The following CDH13 variants were observed in gnomAD, a reference collection of about 807,000 sequenced individuals.
CDH13 encodes cadherin-13.
Under a neutral mutation model 63.8 loss-of-function variants are expected in CDH13, and 24 were observed. That is an observed-to-expected ratio of 0.38 (90% CI 0.27 to 0.53). The LOEUF (loss-of-function observed/expected upper bound fraction) is 0.53. Among genes scored for constraint, CDH13 ranks in the 20% least tolerant of loss-of-function variants. The pLI is 0.85. For missense variants in CDH13, 1,049 were observed against 903.1 expected (o/e 1.16, Z -2.07); for synonymous variants, 503 against 355.3 (o/e 1.42, Z -4.67).
At chr16:83,210,199 G>A (rs1012030625) in intron 4 of CDH13, among the ~76,000 whole-genome samples, 5 of 151,958 alleles carry the variant, frequency 3.3e-5, no homozygotes, top group African/African-American at 9.7e-5. Flanking sequence ...CGAGTAACTG[G>A]GACTATAGGC....
At chr16:82,784,883 C>G (rs1469127712) in intron 1 of CDH13, among the ~76,000 whole-genome samples, 1 of 152,180 alleles carries the variant, frequency 6.6e-6, no homozygotes, top group Non-Finnish European at 1.5e-5. Context: ...GACCCTTCCT[C>G]CAAAGGGCAG....
At chr16:83,105,854 G>A (rs951389100) in intron 3 of CDH13, among the ~76,000 whole-genome samples, 1 of 152,190 alleles carries the variant, frequency 6.6e-6, no homozygotes, top group African/African-American at 2.4e-5. Flanking sequence ...TGAAGACCAG[G>A]AGGGAGAAAG....
intron 5 of CDH13, among the ~76,000 whole-genome samples, chr16:83,313,008 C>T (rs1232422172): frequency 6.6e-6 from 1 of 152,194 alleles, no homozygotes; most frequent in Non-Finnish European, 1.5e-5. Context: ...ACATGAGATG[C>T]AGCTTCTACA....
intron 6 of CDH13, among the ~76,000 whole-genome samples, chr16:83,376,402 C>A (rs1350455049): frequency 6.6e-6 from 1 of 152,012 alleles, no homozygotes; most frequent in Non-Finnish European, 1.5e-5. Flanking sequence ...ATGGTGGTCG[C>A]TTAAGGGAAA....
intron 5 of CDH13, among the ~76,000 whole-genome samples, chr16:83,303,183 AG>A (rs1258120028): frequency 6.6e-6 from 1 of 152,232 alleles, no homozygotes; most frequent in Non-Finnish European, 1.5e-5. Flanking sequence ...GCCAAGGGAA[AG>A]CTTCCCCTTC....
intron 2 of CDH13, among the ~76,000 whole-genome samples, chr16:82,941,989 G>C (rs1332503623): frequency 1.3e-5 from 2 of 152,130 alleles, no homozygotes; most frequent in Non-Finnish European, 2.9e-5. Flanking sequence ...TTCCCTTTGT[G>C]TCTTGTCTTT....
intron 3 of CDH13, among the ~76,000 whole-genome samples, chr16:83,086,371 A>G (rs1597306808): frequency 6.6e-6 from 1 of 152,194 alleles, no homozygotes; most frequent in African/African-American, 2.4e-5. Flanking sequence ...GTACTCTGAG[A>G]CTTAGTGTTC....
chr16:83,071,675 C>G (rs373506393), intron 3 of CDH13, among the ~76,000 whole-genome samples: 13 of 152,256 alleles, frequency 8.5e-5, no homozygotes, highest in African/African-American at 2.4e-4. Flanking sequence ...TGTTTCAAGT[C>G]ATAAACATAG....
chr16:83,339,355 G>A (rs1365136499), intron 5 of CDH13, among the ~76,000 whole-genome samples: 1 of 152,058 alleles, frequency 6.6e-6, no homozygotes, highest in Non-Finnish European at 1.5e-5. Flanking sequence ...CTCCAATGAT[G>A]TCAATAATAT....
intron 3 of CDH13, among the ~76,000 whole-genome samples, chr16:83,113,341 G>C (rs1487071580): frequency 6.6e-6 from 1 of 152,226 alleles, no homozygotes; most frequent in East Asian, 1.9e-4. Flanking sequence ...CAATCGTGGA[G>C]CAAATACTCT....
intron 1 of CDH13, among the ~76,000 whole-genome samples, chr16:82,807,877 C>T (rs531512908): frequency 7.2e-5 from 11 of 152,296 alleles, no homozygotes; most frequent in African/African-American, 2.2e-4. Context: ...ACTTAAGACA[C>T]AATTCTCAAG....
At chr16:83,191,427 G>A (rs116599464) in intron 4 of CDH13, among the ~76,000 whole-genome samples, 1,635 of 135,522 alleles carry the variant, frequency 0.012, 25 homozygotes, top group African/African-American at 0.041. Flanking sequence ...TGTATTAGTC[G>A]GGGTTCTTTA....
At chr16:82,724,012 T>C (rs904810238) in intron 1 of CDH13, among the ~76,000 whole-genome samples, 2 of 152,112 alleles carry the variant, frequency 1.3e-5, no homozygotes, top group African/African-American at 4.8e-5. Flanking sequence ...CTGGGCTGAG[T>C]TTTGAAAATG....
chr16:83,250,851 G>C (rs553112710), intron 5 of CDH13, among the ~76,000 whole-genome samples: 16 of 152,300 alleles, frequency 1.1e-4, no homozygotes, highest in African/African-American at 3.4e-4. Flanking sequence ...TTCTTCAAGT[G>C]ATATGGGAGT....
At chr16:83,747,915 G>A (rs1176334053) in intron 10 of CDH13, among the ~76,000 whole-genome samples, 193 bp from the exon 11 acceptor site, 4 of 151,972 alleles carry the variant, frequency 2.6e-5, no homozygotes, top group African/African-American at 9.7e-5. Flanking sequence ...CATGCAAAGT[G>A]CTTAACACAA....
At position 82,941,327 on chromosome 16, in the gene CDH13, C is replaced by G. The variant is rs540776067; in HGVS notation, c.157+82854C>G. On this transcript the variant is annotated intron_variant, in intron 2 of 13. Transcript: ENST00000567109. Reference sequence around the variant, plus strand: ...CTCCCATTCAGTGAAATCTAGATAGCGTTGGACCAAAACCCTGTTCTGTGC... The same window carrying G: ...CTCCCATTCAGTGAAATCTAGATAGGGTTGGACCAAAACCCTGTTCTGTGC... 3.0e-3 allele frequency among the ~76,000 whole-genome samples: 452 copies of G among 152,240 alleles called. 1 individual carries two copies. Among genetic ancestry groups the G allele is most frequent in the African/African-American group, 9.8e-3 (409 of 41,546 alleles).
chr16:82,981,221 A>G (rs576599849), intron 2 of CDH13, among the ~76,000 whole-genome samples: 64 of 152,326 alleles, frequency 4.2e-4, no homozygotes, highest in African/African-American at 1.5e-3. Context: ...TCACCAGCAT[A>G]TCTCAAAACT....
chr16:83,464,898 C>G (rs896609259), intron 6 of CDH13, among the ~76,000 whole-genome samples: 1 of 152,312 alleles, frequency 6.6e-6, no homozygotes, highest in East Asian at 1.9e-4. Flanking sequence ...CTGCCTCGGC[C>G]TCCCAAAGTA....
intron 2 of CDH13, among the ~76,000 whole-genome samples, chr16:82,992,599 G>A (rs10871442): frequency 0.43 from 64,921 of 151,914 alleles, 14,144 homozygotes; most frequent in Admixed American, 0.45. Flanking sequence ...TTAACTAAAT[G>A]TTTGTATGAT....
Sources: allele counts gnomAD v4.1 joint callset (sites outside exome capture counted in the v4.1 genomes callset), GRCh38; gene constraint gnomAD v4.1.1; transcripts MANE v1.5; gene names NCBI Gene and HGNC (gene_info 2026-07-23, HGNC 2026-07-21).